The following MSL1 variants were observed in gnomAD, a reference collection of about 807,000 sequenced individuals.
The protein encoded by MSL1 is male-specific lethal 1 homolog.
MSL1 carries 21 observed loss-of-function variants against 64.6 expected under a neutral mutation model. The observed-to-expected ratio is 0.33, with a 90% CI of 0.23 to 0.47. The LOEUF is 0.47. MSL1 is among the 20% of genes least tolerant of loss of function. The pLI, the probability that MSL1 is intolerant of heterozygous loss-of-function variation, is 1.00. For missense variants in MSL1, 664 were observed against 793.2 expected, an observed-to-expected ratio of 0.84 and a Z score of 1.96; for synonymous variants, 339 against 329.6, an observed-to-expected ratio of 1.03 and a Z score of -0.31.
Position 40,123,102 on chromosome 17 carries a change from G to T in MSL1, c.490G>T (p.Ala164Ser). 6.5e-7 allele frequency: 1 copy of T among 1,529,372 alleles called. No individual in the cohort carries two copies. Among genetic ancestry groups the T allele is most frequent in the Non-Finnish European group, 8.7e-7 (1 of 1,144,302 alleles). 94.7% of individuals were successfully genotyped at this position (1,529,372 alleles called of 1,614,324 possible). A position where few individuals can be genotyped will look rare whatever the true frequency, so the allele number is the denominator to read the frequency against. The change falls in exon 1 of 9, where the codon GCC becomes TCC. Residue 164 changes from alanine to serine, a missense_variant. Transcript: ENST00000398532. Reference sequence around the variant, plus strand: ...CAAGGGTGGGGCGGCCTCCCCCGCTGCCACCGCCTCGGACCCGGCGGGACC... The same window carrying T: ...CAAGGGTGGGGCGGCCTCCCCCGCTTCCACCGCCTCGGACCCGGCGGGACC... Reference protein sequence around the residue: ...GDKGGAASPAATASDPAGPPP... With the variant: ...GDKGGAASPASTASDPAGPPP...
chr17:40,124,870 C>T (rs1988279244), intron 1 of MSL1: 1 of 152,142 alleles, frequency 6.6e-6, no homozygotes, highest in Non-Finnish European at 1.5e-5. Context: ...AGGTAATGGC[C>T]CCTTTGCAGG....
Position 40,131,793 on chromosome 17 carries a change from T to A in MSL1, c.1423+209T>A. 2 of 628,742 alleles carry A rather than the reference T, an allele frequency of 3.2e-6. No individual in the cohort carries two copies. Among genetic ancestry groups the A allele is most frequent in the East Asian group, 5.4e-5 (2 of 36,982 alleles). The allele number at this position is 628,742 out of a possible 1,614,324, so 38.9% of individuals were successfully genotyped here. A position where few individuals can be genotyped will look rare whatever the true frequency, so the allele number is the denominator to read the frequency against. ...TAGCATCATTATATGAATTGTCAGGTATTGGTTTAGGGTTTTTGTGATCCT... is the reference window on the plus strand; with the variant it reads ...TAGCATCATTATATGAATTGTCAGGAATTGGTTTAGGGTTTTTGTGATCCT... On this transcript the variant is annotated intron_variant, in intron 4 of 8. Transcript: ENST00000398532. This position sits in a 1 kb window ranked among gnomAD's most constrained non-coding sequence, Gnocchi z 4.5.
rs961388922 is a variant in MSL1, at chr17:40,122,630, G to C, written c.18G>C (p.Ala6=). Residue 6 remains alanine (A), a synonymous_variant, in exon 1 of 9, where the codon GCG becomes GCC. Transcript: ENST00000398532. This position sits in a 1 kb window ranked among gnomAD's most constrained non-coding sequence, Gnocchi z 4.2. ...GGACCACTATGACCATGAGATCCGC[G>C]GTGTTCAAGGCGGCCGCGGCCCCTG... is the stretch of plus-strand genomic sequence containing the variant. MTMRS[A]VFKAAAAPAG... is the part of the protein sequence containing the mutation. 37 of 1,486,600 alleles carry C rather than the reference G, an allele frequency of 2.5e-5. No homozygotes were observed. Among genetic ancestry groups the C allele is most frequent in the Non-Finnish European group, 3.1e-5 (35 of 1,125,770 alleles). 92.1% of individuals were successfully genotyped at this position (1,486,600 alleles called of 1,614,324 possible). A position where few individuals can be genotyped will look rare whatever the true frequency, so the allele number is the denominator to read the frequency against.
At position 40,123,218 on chromosome 17, in the gene MSL1, G is replaced by T; in HGVS notation, c.606G>T (p.Met202Ile). Residue 202 changes from methionine to isoleucine, a missense_variant, in exon 1 of 9, where the codon ATG becomes ATT. Met to Ile is a conservative substitution (Grantham distance 10, BLOSUM62 1). Transcript: ENST00000398532. Reference protein sequence around the residue: ...LAASEGRWKSMRKSPLGGGGG... With the variant: ...LAASEGRWKSIRKSPLGGGGG... ...CCAGCGAGGGCAGATGGAAGAGTAT[G>T]AGGAAGAGCCCTCTCGGGGGTGGTG... 6.5e-7 allele frequency: 1 copy of T among 1,535,666 alleles called. No individual in the cohort carries two copies. Among genetic ancestry groups the T allele is most frequent in the Non-Finnish European group, 8.7e-7 (1 of 1,146,842 alleles).
At chr17:40,126,988 T>G (rs763066077) in intron 2 of MSL1, 1 of 152,758 alleles carries the variant, frequency 6.5e-6, no homozygotes, top group Non-Finnish European at 1.5e-5. Flanking sequence ...GCAGTTCACT[T>G]CAAGTTAGGA....
In MSL1 at chr17:40,136,268, A is replaced by G. The variant is rs952251920; in HGVS notation, c.*1899A>G. The G allele has an allele frequency of 7.9e-5, 12 of 152,462 alleles. No individual in the cohort carries two copies. In the East Asian group the frequency reaches 1.5e-3, roughly 19 times the overall value. The allele number at this position is 152,462 out of a possible 1,614,324, so 9.4% of individuals were successfully genotyped here. On this transcript the variant is annotated 3_prime_UTR_variant, in exon 9 of 9. Transcript: ENST00000398532. ...TTGTGCCCTACCCAGGGGACTCCCC[A>G]GTTTCTGACTTGAAGTAGACTGAGA...
intron 2 of MSL1, chr17:40,126,824 GTCT>G (rs1221327428): frequency 4.7e-5 from 8 of 169,320 alleles, no homozygotes; most frequent in African/African-American, 7.4e-5. Context: ...AAAAAAAGAA[GTCT>G]TCTATGCTGA....
Position 40,122,683 on chromosome 17 carries a change from A to T in MSL1, c.71A>T (p.Asp24Val), listed in dbSNP as rs1160620409. 6.7e-7 allele frequency: 1 copy of T among 1,489,056 alleles called. No homozygotes were observed. The highest frequency in any genetic ancestry group is 1.5e-5 in the African/African-American group (1 of 68,340). The allele number at this position is 1,489,056 out of a possible 1,614,324, so 92.2% of individuals were successfully genotyped here. Residue 24 changes from aspartate (D) to valine (V), a missense_variant, in exon 1 of 9, where the codon GAC becomes GTC. Physicochemically the swap from Asp to Val is radical, Grantham distance 152. Coordinates refer to ENST00000398532, the MANE Select transcript of MSL1 (RefSeq NM_001365919.1). This position sits in a 1 kb window ranked among gnomAD's most constrained non-coding sequence, Gnocchi z 4.2. ...GGCGGCAATCCTGAGCAGCGACTGG[A>T]CTACGAGCGGGCTGCGGCGCTGGGC... The part of the protein sequence containing the change: ...PAGGNPEQRL[D>V]YERAAALGGP...
At chr17:40,126,478 A>G (rs1238102878) in intron 2 of MSL1, 72 bp downstream of exon 2, 4 of 1,390,162 alleles carry the variant, frequency 2.9e-6, no homozygotes, top group Non-Finnish European at 4.0e-6. Context: ...GGATTTATGA[A>G]TTGGTTTTAT....
In MSL1 at chr17:40,129,348, G is replaced by A; in HGVS notation, c.1096G>A (p.Glu366Lys). ...TKTPKHSPIKEEPCGSLSETV... is the reference protein window; with the variant it reads ...TKTPKHSPIKKEPCGSLSETV... ...AACTCCTAAGCACTCTCCTATTAAA[G>A]AGGAACCCTGTGGTTCCTTATCTGA... is the stretch of plus-strand genomic sequence containing the variant. The change falls in exon 3 of 9, where the codon GAG becomes AAG. Residue 366 changes from glutamate (E) to lysine (K), a missense_variant. Physicochemically the swap from Glu to Lys is moderately conservative, Grantham distance 56. Coordinates refer to ENST00000398532, the MANE Select transcript of MSL1 (RefSeq NM_001365919.1). 2 of 1,612,286 alleles carry A rather than the reference G, an allele frequency of 1.2e-6. No homozygotes were observed. The highest frequency in any genetic ancestry group is 1.7e-6 in the Non-Finnish European group (2 of 1,179,460).
intron 1 of MSL1, chr17:40,124,888 A>C (rs1988279510): frequency 6.6e-6 from 1 of 152,182 alleles, no homozygotes; most frequent in African/African-American, 2.4e-5. Flanking sequence ...AGGCTTTCCT[A>C]GTCAGGAAAA....
chr17:40,129,325 C>A lies in MSL1; in HGVS notation c.1073C>A (p.Thr358Asn), dbSNP rs1988390716. 3 of 1,598,310 alleles carry A rather than the reference C, an allele frequency of 1.9e-6. No individual in the cohort carries two copies. Among genetic ancestry groups the A allele is most frequent in the African/African-American group, 2.7e-5 (2 of 73,686 alleles). The change falls in exon 3 of 9, where the codon ACT (threonine) becomes AAT (asparagine). Residue 358 changes from threonine to asparagine, a missense_variant. Physicochemically the swap from Thr to Asn is moderately conservative, Grantham distance 65. Transcript: ENST00000398532. ...APEFSKVKTK[T>N]PKHSPIKEEP... ...GAATTTTCAAAAGTCAAAACAAAAA[C>A]TCCTAAGCACTCTCCTATTAAAGAG...
chr17:40,128,736 T>C (rs908169802), intron 2 of MSL1, among the ~76,000 whole-genome samples: 5 of 151,454 alleles, frequency 3.3e-5, no homozygotes, highest in African/African-American at 4.8e-5. Flanking sequence ...ACTGGCCAGG[T>C]GCAGTGGCTC....
At chr17:40,130,525 A>G (rs1988419133) in intron 3 of MSL1, among the ~76,000 whole-genome samples, 2 of 152,170 alleles carry the variant, frequency 1.3e-5, no homozygotes, top group South Asian at 2.1e-4. Flanking sequence ...GCCTTCTAGG[A>G]TAGAGCCGCA....
intron 5 of MSL1, 87 bp from the exon 6 acceptor site, chr17:40,132,955 C>T (rs960902691): frequency 4.6e-6 from 6 of 1,298,122 alleles, no homozygotes; most frequent in South Asian, 2.6e-5. Flanking sequence ...AAAGATTTTA[C>T]GTTCCTGGAA....
At position 40,122,093 on chromosome 17, in the gene MSL1, C is replaced by A. The variant is rs1014465023; in HGVS notation, c.-520C>A. Among the ~76,000 whole-genome samples, 1 of 151,570 alleles carries A rather than the reference C, an allele frequency of 6.6e-6. No individual in the cohort carries two copies. Among genetic ancestry groups the A allele is most frequent in the African/African-American group, 2.4e-5 (1 of 41,300 alleles). ...GAGGGGGACCCCGAGCCGCGGAGAC[C>A]CCCGGGAGAGGCGACAGACCCCCTC... is the stretch of plus-strand genomic sequence containing the variant. On this transcript the variant is annotated 5_prime_UTR_variant, in exon 1 of 9. Transcript: ENST00000398532. This position sits in a 1 kb window ranked among gnomAD's most constrained non-coding sequence, Gnocchi z 4.2.
chr17:40,126,147 T>C (rs1988308686), intron 1 of MSL1, 36 bp from the exon 2 acceptor site: 5 of 1,586,190 alleles, frequency 3.2e-6, no homozygotes, highest in Non-Finnish European at 4.3e-6. Context: ...TAATTTTTTA[T>C]GTGTTAAGTC....
rs958083654 is a variant in MSL1, at chr17:40,135,816, T to C, written c.*1447T>C. 4.6e-5 allele frequency: 7 copies of C among 151,862 alleles called. No individual in the cohort carries two copies. The highest frequency in any genetic ancestry group is 7.3e-5 in the African/African-American group (3 of 41,008). 9.4% of individuals were successfully genotyped at this position (151,862 alleles called of 1,614,324 possible). On this transcript the variant is annotated 3_prime_UTR_variant, in exon 9 of 9. Coordinates refer to ENST00000398532, the MANE Select transcript of MSL1 (RefSeq NM_001365919.1). ...CAGCACATGTAGTATTCTTGGATGA[T>C]CTTGCTGCTCTTATTTCTCCTTTTG...
chr17:40,122,688 G>C lies in MSL1; in HGVS notation c.76G>C (p.Glu26Gln). 6.7e-7 allele frequency: 1 copy of C among 1,488,750 alleles called. No homozygotes were observed. Among genetic ancestry groups the C allele is most frequent in the Non-Finnish European group, 8.9e-7 (1 of 1,126,808 alleles). 92.2% of individuals were successfully genotyped at this position (1,488,750 alleles called of 1,614,324 possible). Reference sequence around the variant, plus strand: ...CAATCCTGAGCAGCGACTGGACTACGAGCGGGCTGCGGCGCTGGGCGGGCC... The same window carrying C: ...CAATCCTGAGCAGCGACTGGACTACCAGCGGGCTGCGGCGCTGGGCGGGCC... ...GGNPEQRLDYERAAALGGPED... is the reference protein window; with the variant it reads ...GGNPEQRLDYQRAAALGGPED... Residue 26 changes from glutamate (E) to glutamine (Q), a missense_variant, in exon 1 of 9, where the codon GAG becomes CAG. Physicochemically the swap from Glu to Gln is conservative, Grantham distance 29. Transcript: ENST00000398532. The surrounding 1 kb of genome is among the most constrained non-coding windows in gnomAD (Gnocchi z 4.2).
Sources: allele counts gnomAD v4.1 joint callset (sites outside exome capture counted in the v4.1 genomes callset), GRCh38; gene constraint gnomAD v4.1.1; non-coding constraint Gnocchi (gnomAD v3.1); transcripts MANE v1.5; gene names NCBI Gene and HGNC (gene_info 2026-07-23, HGNC 2026-07-21).